The following MPDZ variants were observed in gnomAD, a reference collection of about 807,000 sequenced individuals.
MPDZ encodes multiple PDZ domain protein.
MPDZ carries 234 observed loss-of-function variants against 239.1 expected under a neutral mutation model. The ratio of observed to expected loss-of-function variants is 0.98; its 90% CI spans 0.88 to 1.09. The LOEUF (loss-of-function observed/expected upper bound fraction) is 1.09. Ranked by LOEUF, MPDZ falls within the 50% of genes least tolerant of loss-of-function variation. The pLI, the probability that MPDZ is intolerant of heterozygous loss-of-function variation, is 0.00. For synonymous variants in MPDZ, 1,048 were observed against 881.3 expected, an observed-to-expected ratio of 1.19 and a Z score of -3.35; for missense variants, 3,175 against 2,510.0, an observed-to-expected ratio of 1.26 and a Z score of -5.66.
chr9:13,110,872 C>G (rs1214818177), intron 43 of MPDZ, 132 bp from the exon 44 acceptor site: 1 of 554,650 alleles, frequency 1.8e-6, no homozygotes, highest in African/African-American at 1.9e-5. Flanking sequence ...GAAATATAAC[C>G]AAGGAAACCA....
chr9:13,175,938 T>C, intron 20 of MPDZ, 63 bp from the exon 21 acceptor site: 2 of 1,525,952 alleles, frequency 1.3e-6, no homozygotes, highest in Non-Finnish European at 1.8e-6. Flanking sequence ...TGGAGCGTGA[T>C]TTCAACATCA....
rs776416799 is a variant in MPDZ, at chr9:13,113,022, C to A, written c.5590G>T (p.Glu1864Ter). Reference sequence around the variant, plus strand: ...TCTCCCCAAGTTACCTTTTTCATTTCGACTGTTCTTAATCCCTGTATTTCA... The same window carrying A: ...TCTCCCCAAGTTACCTTTTTCATTTAGACTGTTCTTAATCCCTGTATTTCA... ...ASEIQGLRTV[E>*]MKKGPTDSLG... The change falls in exon 42 of 47, where the codon GAA (glutamate) becomes TAA (stop). Residue 1864 changes from glutamate (E) to a stop codon, truncating the protein, a stop_gained. Transcript: ENST00000319217. LOFTEE classifies it high-confidence loss of function. The A allele has an allele frequency of 7.6e-6, 12 of 1,585,400 alleles. No homozygotes were observed. The highest frequency in any genetic ancestry group is 4.5e-5 in the East Asian group (2 of 44,294).
chr9:13,159,384 G>C (rs551576508), intron 23 of MPDZ, among the ~76,000 whole-genome samples: 22 of 152,138 alleles, frequency 1.4e-4, no homozygotes, highest in Non-Finnish European at 3.1e-4. Context: ...TAGAGTCTAA[G>C]TCTGACACTA....
chr9:13,125,368 G>A lies in MPDZ; in HGVS notation c.4655C>T (p.Ala1552Val). Residue 1552 changes from alanine (A) to valine (V), a missense_variant, in exon 35 of 47, where the codon GCA becomes GTA. Coordinates refer to ENST00000319217, the MANE Select transcript of MPDZ (RefSeq NM_001378778.1). ...GATGGTAAGTTTTACTGTCATCTTTGCTGTCTTCAGAAGGCTAATAAACTG... is the reference window on the plus strand; with the variant it reads ...GATGGTAAGTTTTACTGTCATCTTTACTGTCTTCAGAAGGCTAATAAACTG... Reference protein sequence around the residue: ...IEKFISLLKTAKMTVKLTIHA... With the variant: ...IEKFISLLKTVKMTVKLTIHA... The A allele has an allele frequency of 6.2e-7, 1 of 1,613,618 alleles. No homozygotes were observed. Among genetic ancestry groups the A allele is most frequent in the Non-Finnish European group, 8.5e-7 (1 of 1,179,626 alleles).
In MPDZ at chr9:13,113,936, T is replaced by C; in HGVS notation, c.5552A>G (p.Asn1851Ser). Residue 1851 changes from asparagine to serine, a missense_variant, in exon 41 of 47, where the codon AAT becomes AGT. Transcript: ENST00000319217. ...SESLESSSKK[N>S]ALASEIQGLR... ...AAATACTGAACCAATCTTACATGCA[T>C]TCTTCTTTGAGCTACTTTCCAGTGA... 1 of 1,587,260 alleles carries C rather than the reference T, an allele frequency of 6.3e-7. No individual in the cohort carries two copies. Among genetic ancestry groups the C allele is most frequent in the Non-Finnish European group, 8.6e-7 (1 of 1,165,520 alleles).
chr9:13,157,355 A>G (rs973460739), intron 24 of MPDZ, among the ~76,000 whole-genome samples: 1 of 152,168 alleles, frequency 6.6e-6, no homozygotes, highest in African/African-American at 2.4e-5. Flanking sequence ...AGGTTCCTTG[A>G]GGCAGGATTT....
chr9:13,115,046 A>G (rs547730794), intron 40 of MPDZ, among the ~76,000 whole-genome samples: 9 of 152,320 alleles, frequency 5.9e-5, no homozygotes, highest in African/African-American at 2.2e-4. Flanking sequence ...CCTTAGAATG[A>G]CTTACAAACT....
intron 32 of MPDZ, among the ~76,000 whole-genome samples, chr9:13,131,018 G>T (rs1473108469): frequency 1.3e-5 from 2 of 152,280 alleles, no homozygotes; most frequent in African/African-American, 4.8e-5. Context: ...TCACAGGGTT[G>T]CTAAGAAGTA....
intron 46 of MPDZ, 97 bp downstream of exon 46, chr9:13,108,839 T>C (rs1941927648): frequency 7.3e-6 from 9 of 1,236,356 alleles, no homozygotes; most frequent in African/African-American, 1.5e-5. Context: ...TGTTAACCAT[T>C]TGGCATTACC....
rs146976770 is a variant in MPDZ, at chr9:13,250,275, G to A, written c.16+25C>T. The A allele has an allele frequency of 7.2e-3, 11,371 of 1,588,196 alleles. 56 individuals are homozygous for A. Among genetic ancestry groups the A allele is most frequent in the Non-Finnish European group, 8.5e-3 (9,859 of 1,165,170 alleles). On this transcript the variant is annotated intron_variant, in intron 2 of 46. Coordinates refer to ENST00000319217, the MANE Select transcript of MPDZ (RefSeq NM_001378778.1). ...GGGAGGAGTTACAATTCTTATAAAA[G>A]TAGGCAGAAAAGAATAAGTCTTACC... is the stretch of plus-strand genomic sequence containing the variant.
chr9:13,225,051 A>G (rs757142707), intron 3 of MPDZ, among the ~76,000 whole-genome samples: 21 of 152,124 alleles, frequency 1.4e-4, no homozygotes, highest in Non-Finnish European at 2.8e-4. Flanking sequence ...TAGGCAGGGC[A>G]ATCAATCACA....
chr9:13,231,495 A>T lies in MPDZ; in HGVS notation c.184-6912T>A, dbSNP rs527576854. On this transcript the variant is annotated intron_variant, in intron 3 of 46. Transcript: ENST00000319217. Reference sequence around the variant, plus strand: ...AGCACGAGAATCACTTGAACCTGGGAGGTGGAGGTTGCAGTGAGCCACTGT... The same window carrying T: ...AGCACGAGAATCACTTGAACCTGGGTGGTGGAGGTTGCAGTGAGCCACTGT... 7.9e-5 allele frequency among the ~76,000 whole-genome samples: 12 copies of T among 152,232 alleles called. No individual in the cohort carries two copies. In the South Asian group the frequency reaches 2.5e-3, roughly 32 times the overall value.
Position 13,224,471 on chromosome 9 carries a change from T to A in MPDZ, c.296A>T (p.Asn99Ile), listed in dbSNP as rs545147875. The change falls in exon 4 of 47, where the codon AAT becomes ATT. Residue 99 changes from asparagine to isoleucine, a missense_variant. Coordinates refer to ENST00000319217, the MANE Select transcript of MPDZ (RefSeq NM_001378778.1). ...QNESFLLSPN[N>I]GNLEALTGPG... ...TCCTGTAAGTGCTTCCAGATTCCCA[T>A]TGTTTGGGGATAATAAAAACGATTC... 2 of 1,612,900 alleles carry A rather than the reference T, an allele frequency of 1.2e-6. No homozygotes were observed. The highest frequency in any genetic ancestry group is 4.5e-5 in the East Asian group (2 of 44,810).
rs79579536 is a variant in MPDZ at position 13,137,829 on chromosome 9, G to T, written c.4200+128C>A. ...GGTTTAGAGCCAGATTTGCTGCAAT[G>T]CATCTATTTTATTAAGCAAGCAATG... On this transcript the variant is annotated intron_variant, in intron 29 of 46. Transcript: ENST00000319217. 1,253 of 936,904 alleles carry T rather than the reference G, an allele frequency of 1.3e-3. 13 individuals carry two copies. In the African/African-American group the frequency reaches 0.02, roughly 15 times the overall value. The allele number at this position is 936,904 out of a possible 1,614,324, so 58.0% of individuals were successfully genotyped here.
Position 13,133,895 on chromosome 9 carries a change from T to C in MPDZ, c.4393A>G (p.Thr1465Ala). The change falls in exon 32 of 47, where the codon ACT becomes GCT. Residue 1465 changes from threonine (T) to alanine (A), a missense_variant. By Grantham distance (58) the Thr-to-Ala change is moderately conservative (BLOSUM62 0). Coordinates refer to ENST00000319217, the MANE Select transcript of MPDZ (RefSeq NM_001378778.1). Reference protein sequence around the residue: ...ENLQNKETEPTVTTSDAAVDL... With the variant: ...ENLQNKETEPAVTTSDAAVDL... ...ACAGCTGCATCAGAAGTAGTAACAG[T>C]TGGCTCTGTCTGACAGAGGGAAAGA... 1 of 1,576,290 alleles carries C rather than the reference T, an allele frequency of 6.3e-7. No individual in the cohort carries two copies. The highest frequency in any genetic ancestry group is 1.2e-5 in the South Asian group (1 of 84,026).
At chr9:13,176,803 T>G (rs1473879354) in intron 19 of MPDZ, among the ~76,000 whole-genome samples, 2 of 152,126 alleles carry the variant, frequency 1.3e-5, no homozygotes, top group Non-Finnish European at 2.9e-5. Flanking sequence ...TTCCCATCAG[T>G]CTGAAGTTCC....
chr9:13,234,080 T>G (rs1479170607), intron 3 of MPDZ, among the ~76,000 whole-genome samples: 2 of 152,176 alleles, frequency 1.3e-5, no homozygotes, highest in Non-Finnish European at 2.9e-5. Flanking sequence ...CATACCAAAT[T>G]CTTTTTTGGA....
chr9:13,247,709 T>C lies in MPDZ; in HGVS notation c.109A>G (p.Lys37Glu). ...VANEDKLSLL[K>E]SVLQSPLFSQ... ...AAGAGAGGGCTCTGCAGGACTGACT[T>C]CAGAAGGCTCAGTTTGTCTTCATTT... Residue 37 changes from lysine (K) to glutamate (E), a missense_variant, in exon 3 of 47, where the codon AAG (lysine) becomes GAG (glutamate). Lys to Glu is a moderately conservative substitution (Grantham distance 56). Transcript: ENST00000319217. The C allele has an allele frequency of 6.2e-7, 1 of 1,613,584 alleles. No individual in the cohort carries two copies. Among genetic ancestry groups the C allele is most frequent in the Non-Finnish European group, 8.5e-7 (1 of 1,179,656 alleles).
In MPDZ at chr9:13,121,248, T is replaced by G. The variant is rs139711037; in HGVS notation, c.5231+491A>C. Among the ~76,000 whole-genome samples the G allele has an allele frequency of 2.6e-4, 40 of 152,296 alleles. No individual in the cohort carries two copies. In the East Asian group the frequency reaches 7.5e-3, roughly 29 times the overall value. On this transcript the variant is annotated intron_variant, in intron 38 of 46. Coordinates refer to ENST00000319217, the MANE Select transcript of MPDZ (RefSeq NM_001378778.1). ...ATAAACCAATACTCACTTATCACTT[T>G]TAGCCTCAGCTCAGACACCTTTTTT...
Sources: allele counts gnomAD v4.1 joint callset (sites outside exome capture counted in the v4.1 genomes callset), GRCh38; gene constraint gnomAD v4.1.1; transcripts MANE v1.5; gene names NCBI Gene and HGNC (gene_info 2026-07-23, HGNC 2026-07-21).